Variants in ERC1 observed in about 807,000 individuals in gnomAD.
ERC1 encodes RAB6 interacting protein 2.
Under a neutral mutation model 132.0 loss-of-function variants are expected in ERC1, and 56 were observed. The observed-to-expected ratio is 0.42, with a 90% CI of 0.34 to 0.53. ERC1 has a LOEUF of 0.53. Ranked by LOEUF, ERC1 falls within the 20% of genes least tolerant of loss-of-function variation. The pLI, the probability that ERC1 is intolerant of heterozygous loss-of-function variation, is 0.03. For missense variants in ERC1, 1,202 were observed against 1,349.9 expected (o/e 0.89, Z 1.72); for synonymous variants, 478 against 476.1 (o/e 1.00, Z -0.05).
chr12:1,164,210 T>C (rs1952140239), intron 8 of ERC1, among the ~76,000 whole-genome samples: 1 of 149,184 alleles, frequency 6.7e-6, no homozygotes, highest in Admixed American at 6.6e-5. Context: ...CTGTTGGTCA[T>C]AGTAGTCACA....
intron 15 of ERC1, among the ~76,000 whole-genome samples, chr12:1,340,815 G>C (rs909943641): frequency 1.3e-5 from 2 of 151,910 alleles, no homozygotes; most frequent in Non-Finnish European, 2.9e-5. Context: ...GCCGAGGCTC[G>C]TTTCCAATTC....
At chr12:1,198,685 A>T (rs1295841886) in intron 12 of ERC1, among the ~76,000 whole-genome samples, 1 of 152,186 alleles carries the variant, frequency 6.6e-6, no homozygotes, top group African/African-American at 2.4e-5. Context: ...TGCGGGCTGT[A>T]CAGGCTTCTG....
chr12:1,210,371 C>CT (rs1957752669), intron 12 of ERC1, among the ~76,000 whole-genome samples: 1 of 152,148 alleles, frequency 6.6e-6, no homozygotes. Context: ...TTAAGACGGT[C>CT]TTTTTAAGCT....
intron 15 of ERC1, among the ~76,000 whole-genome samples, chr12:1,330,954 T>C (rs1253153855): frequency 1.3e-5 from 2 of 152,230 alleles, no homozygotes; most frequent in Non-Finnish European, 2.9e-5. Context: ...CAATGTACTG[T>C]CCCCTGCTTA....
intron 1 of ERC1, among the ~76,000 whole-genome samples, chr12:1,011,272 C>T (rs1964638522): frequency 6.6e-6 from 1 of 152,166 alleles, no homozygotes; most frequent in African/African-American, 2.4e-5. Flanking sequence ...CATCACCGCT[C>T]ACTCTCACAG....
At chr12:1,362,470 GTCTCTC>G (rs763328898) in intron 15 of ERC1, among the ~76,000 whole-genome samples, 4 of 148,962 alleles carry the variant, frequency 2.7e-5, no homozygotes, top group Non-Finnish European at 6.0e-5. Flanking sequence ...CTCTCTCTCT[GTCTCTC>G]TCTCTCTCGA....
intron 2 of ERC1, among the ~76,000 whole-genome samples, chr12:1,050,194 C>G (rs1009291578): frequency 3.3e-5 from 5 of 152,136 alleles, no homozygotes; most frequent in African/African-American, 1.2e-4. Context: ...GCAAAATGAT[C>G]AGCCCTGGAT....
At chr12:1,445,653 T>C (rs1347027389) in intron 18 of ERC1, among the ~76,000 whole-genome samples, 2 of 152,238 alleles carry the variant, frequency 1.3e-5, no homozygotes, top group African/African-American at 4.8e-5. Flanking sequence ...TTCTTGGCAA[T>C]GAATAGTCTT....
At chr12:1,370,331 T>G (rs1325212762) in intron 15 of ERC1, among the ~76,000 whole-genome samples, 1 of 152,202 alleles carries the variant, frequency 6.6e-6, no homozygotes, top group East Asian at 1.9e-4. Context: ...TCTGTAAAGT[T>G]TAAATTACTG....
Position 1,110,367 on chromosome 12 carries a change from T to C in ERC1, c.1317+20T>C, listed in dbSNP as rs772720046. The C allele has an allele frequency of 1.3e-6, 2 of 1,572,674 alleles. No homozygotes were observed. Among genetic ancestry groups the C allele is most frequent in the South Asian group, 2.4e-5 (2 of 83,800 alleles). On this transcript the variant is annotated intron_variant, in intron 5 of 18. Coordinates refer to ENST00000360905, the MANE Select transcript of ERC1 (RefSeq NM_178040.4). ...AATAAGGTAATGGCATGTGAGACTT[T>C]TGATTCTTAAAAGGAGTTTGAAAAA... is the stretch of plus-strand genomic sequence containing the variant.
intron 12 of ERC1, among the ~76,000 whole-genome samples, chr12:1,190,903 T>TA (rs397756392): frequency 8.7e-4 from 132 of 152,014 alleles, no homozygotes; most frequent in African/African-American, 3.0e-3. Flanking sequence ...TTTTTTTTTT[T>TA]ATGATCTTGA....
At chr12:1,150,324 T>C (rs1950723313) in intron 8 of ERC1, among the ~76,000 whole-genome samples, 1 of 152,220 alleles carries the variant, frequency 6.6e-6, no homozygotes, top group Non-Finnish European at 1.5e-5. Context: ...GCCATGGCAG[T>C]AAAAATAGAA....
At chr12:1,309,546 C>T (rs1271142215) in intron 15 of ERC1, among the ~76,000 whole-genome samples, 1 of 152,116 alleles carries the variant, frequency 6.6e-6, no homozygotes, top group Non-Finnish European at 1.5e-5. Context: ...TGTGGAGAGA[C>T]AGCATGGCCT....
intron 12 of ERC1, among the ~76,000 whole-genome samples, chr12:1,202,941 A>T (rs1208986159): frequency 1.3e-5 from 2 of 152,206 alleles, no homozygotes; most frequent in Non-Finnish European, 2.9e-5. Context: ...TCTGCCTTTG[A>T]ACATTGTCTG....
intron 1 of ERC1, among the ~76,000 whole-genome samples, chr12:1,011,042 A>G (rs933705328): frequency 2.1e-4 from 32 of 152,316 alleles, no homozygotes; most frequent in African/African-American, 7.5e-4. Flanking sequence ...ATTATTGGAA[A>G]TAATGAAAAA....
intron 18 of ERC1, among the ~76,000 whole-genome samples, chr12:1,469,342 T>G (rs188063173): frequency 2.8e-4 from 43 of 152,320 alleles, no homozygotes; most frequent in African/African-American, 1.0e-3. Flanking sequence ...AGCTGTTGAT[T>G]GGGAGCAGCC....
At chr12:1,323,079 T>G (rs911953203) in intron 15 of ERC1, among the ~76,000 whole-genome samples, 3 of 152,174 alleles carry the variant, frequency 2.0e-5, no homozygotes, top group African/African-American at 7.2e-5. Context: ...ATCTTATGTC[T>G]TATAAAAGAG....
intron 8 of ERC1, among the ~76,000 whole-genome samples, chr12:1,174,162 G>A (rs1425368348): frequency 6.6e-6 from 1 of 152,172 alleles, no homozygotes; most frequent in African/African-American, 2.4e-5. Flanking sequence ...CATTTCACCC[G>A]ACACACCCAC....
At chr12:1,078,809 G>A (rs558682912) in intron 2 of ERC1, among the ~76,000 whole-genome samples, 1 of 152,226 alleles carries the variant, frequency 6.6e-6, no homozygotes, top group South Asian at 2.1e-4. Context: ...GAAATGATTT[G>A]TAATATGACA....
Sources: gnomAD v4.1 joint callset for allele counts (sites outside exome capture counted in the v4.1 genomes callset) on GRCh38, gnomAD v4.1.1 for gene constraint, MANE v1.5 for transcripts, NCBI Gene and HGNC (gene_info 2026-07-23, HGNC 2026-07-21) for gene names.